MSRA: variants seen among roughly 807,000 people sequenced by gnomAD.
MSRA encodes mitochondrial peptide methionine sulfoxide reductase.
Under a neutral mutation model 31.3 loss-of-function variants are expected in MSRA, and 54 were observed. That is an observed-to-expected ratio of 1.73 (90% CI 1.39 to 2.17). The LOEUF (loss-of-function observed/expected upper bound fraction) is 2.17. Ranked by LOEUF, MSRA falls within the 30% of genes most tolerant of loss-of-function variation. The pLI, the probability that MSRA is intolerant of heterozygous loss-of-function variation, is 0.00. For missense variants in MSRA, 507 were observed against 300.9 expected (o/e 1.69, Z -5.07); for synonymous variants, 169 against 116.5 (o/e 1.45, Z -2.90).
intron 3 of MSRA, among the ~76,000 whole-genome samples, chr8:10,258,225 G>A (rs923999225): frequency 1.3e-5 from 2 of 152,282 alleles, no homozygotes; most frequent in South Asian, 2.1e-4. Context: ...TATGTCTAGA[G>A]TCGTTGTTTT....
intron 1 of MSRA, among the ~76,000 whole-genome samples, chr8:10,088,644 G>C (rs973159619): frequency 3.3e-5 from 5 of 152,158 alleles, no homozygotes; most frequent in Admixed American, 6.5e-5. Flanking sequence ...GCTGGGGCGA[G>C]AGAATCGTTT....
chr8:10,360,514 A>G (rs935465838), intron 5 of MSRA, among the ~76,000 whole-genome samples: 35 of 152,340 alleles, frequency 2.3e-4, no homozygotes, highest in African/African-American at 7.9e-4. Context: ...TGTAGCTGCC[A>G]TCATCCCAGA....
intron 1 of MSRA, among the ~76,000 whole-genome samples, chr8:10,114,561 C>T (rs1385804409): frequency 6.6e-6 from 1 of 152,072 alleles, no homozygotes; most frequent in Non-Finnish European, 1.5e-5. Flanking sequence ...GTATCTCATT[C>T]CAAGTGTGTG....
At chr8:10,282,312 A>G (rs1799665063) in intron 3 of MSRA, among the ~76,000 whole-genome samples, 1 of 152,210 alleles carries the variant, frequency 6.6e-6, no homozygotes, top group African/African-American at 2.4e-5. Context: ...GCAGCTTGGA[A>G]TTTATATTTG....
chr8:10,095,524 T>C (rs1345390104), intron 1 of MSRA: 1 of 985,064 alleles, frequency 1.0e-6, no homozygotes, highest in Admixed American at 6.2e-5. Context: ...CCAAGACTGC[T>C]CGGAAGGTTG....
intron 5 of MSRA, among the ~76,000 whole-genome samples, chr8:10,370,083 C>G (rs1033753373): frequency 6.6e-6 from 1 of 152,160 alleles, no homozygotes; most frequent in African/African-American, 2.4e-5. Flanking sequence ...TTTTTGCTTT[C>G]TGGTTTAATA....
At chr8:10,309,784 G>C (rs1421586381) in intron 4 of MSRA, among the ~76,000 whole-genome samples, 2 of 152,102 alleles carry the variant, frequency 1.3e-5, no homozygotes, top group African/African-American at 2.4e-5. Flanking sequence ...GGGCTGCATG[G>C]GCTTCCCTGC....
chr8:10,083,458 G>C (rs1018675147), intron 1 of MSRA, among the ~76,000 whole-genome samples: 8 of 152,156 alleles, frequency 5.3e-5, no homozygotes, highest in Admixed American at 5.2e-4. Context: ...TCACAATGAT[G>C]GAGAAATATT....
intron 3 of MSRA, among the ~76,000 whole-genome samples, chr8:10,282,302 G>A (rs1032473503): frequency 1.8e-4 from 28 of 152,164 alleles, no homozygotes; most frequent in Non-Finnish European, 4.1e-4. Context: ...TAATTTATCT[G>A]CAGCTTGGAA....
At chr8:10,309,206 C>T (rs1399937950) in intron 4 of MSRA, among the ~76,000 whole-genome samples, 1 of 152,258 alleles carries the variant, frequency 6.6e-6, no homozygotes, top group South Asian at 2.1e-4. Flanking sequence ...TCTGACTCCT[C>T]TAGAAGGTGG....
chr8:10,179,723 T>C (rs1284562567), intron 1 of MSRA, among the ~76,000 whole-genome samples: 1 of 152,208 alleles, frequency 6.6e-6, no homozygotes, highest in Admixed American at 6.5e-5. Flanking sequence ...TTTATCTGGC[T>C]TTCTCATGTG....
intron 2 of MSRA, among the ~76,000 whole-genome samples, chr8:10,239,243 C>T (rs960549404): frequency 1.3e-5 from 2 of 152,000 alleles, no homozygotes; most frequent in Non-Finnish European, 1.5e-5. Context: ...CTTATTGCAA[C>T]CTCTGCCTCC....
chr8:10,275,311 A>AG (rs2129103259), intron 3 of MSRA, among the ~76,000 whole-genome samples: 1 of 152,344 alleles, frequency 6.6e-6, no homozygotes, highest in South Asian at 2.1e-4. Context: ...ACAGCTCTCT[A>AG]AGCAGAAGAG....
chr8:10,363,181 C>A (rs916093719), intron 5 of MSRA, among the ~76,000 whole-genome samples: 1 of 152,166 alleles, frequency 6.6e-6, no homozygotes, highest in Non-Finnish European at 1.5e-5. Flanking sequence ...ACTTGAAGCC[C>A]TGCAGTTGCT....
intron 4 of MSRA, among the ~76,000 whole-genome samples, chr8:10,305,797 C>T (rs545218020): frequency 1.5e-4 from 23 of 152,194 alleles, no homozygotes; most frequent in South Asian, 4.2e-4. Flanking sequence ...AGGTGAGGCC[C>T]GAGACCTGTT....
In MSRA at chr8:10,245,223, G is replaced by C; in HGVS notation, c.331G>C (p.Glu111Gln). Residue 111 changes from glutamate to glutamine, a missense_variant and splice_region_variant, in exon 3 of 6, where the codon GAA (glutamate) becomes CAA (glutamine). Physicochemically the swap from Glu to Gln is conservative, Grantham distance 29. Coordinates refer to ENST00000317173, the MANE Select transcript of MSRA (RefSeq NM_012331.5). The part of the protein sequence containing the change: ...SNPTYKEVCS[E>Q]KTGHAEVVRV... ...TCCTACTTATAAAGAAGTCTGCTCAGGTAGGAAGAATTTGCTTTATTGTAT... is the reference window on the plus strand; with the variant it reads ...TCCTACTTATAAAGAAGTCTGCTCACGTAGGAAGAATTTGCTTTATTGTAT... 3 of 1,612,536 alleles carry C rather than the reference G, an allele frequency of 1.9e-6. No individual in the cohort carries two copies. The South Asian group carries it at 3.3e-5, about 18-fold the overall frequency.
At chr8:10,175,336 A>G (rs140768142) in intron 1 of MSRA, among the ~76,000 whole-genome samples, 14 of 152,286 alleles carry the variant, frequency 9.2e-5, no homozygotes, top group African/African-American at 2.2e-4. Context: ...TTTGAAGTAT[A>G]TTGGTCTTAT....
chr8:10,268,544 C>T (rs1031655561), intron 3 of MSRA, among the ~76,000 whole-genome samples: 1 of 152,230 alleles, frequency 6.6e-6, no homozygotes, highest in African/African-American at 2.4e-5. Context: ...TCTTCTCTCC[C>T]TATCATCTAG....
intron 1 of MSRA, among the ~76,000 whole-genome samples, chr8:10,151,123 T>G (rs1803627752): frequency 6.6e-6 from 1 of 151,442 alleles, no homozygotes; most frequent in Non-Finnish European, 1.5e-5. Context: ...TGCCTACTTG[T>G]GGAGGGTATC....
Sources: allele counts gnomAD v4.1 joint callset (sites outside exome capture counted in the v4.1 genomes callset), GRCh38; gene constraint gnomAD v4.1.1; transcripts MANE v1.5; gene names NCBI Gene and HGNC (gene_info 2026-07-23, HGNC 2026-07-21).